Variants in ALK observed in about 807,000 individuals in gnomAD.
The protein encoded by ALK is ALK receptor tyrosine kinase.
Under a neutral mutation model 163.1 loss-of-function variants are expected in ALK, and 74 were observed. The observed-to-expected ratio is 0.45, with a 90% confidence interval of 0.38 to 0.55. The LOEUF (loss-of-function observed/expected upper bound fraction) is 0.55. Among genes scored for constraint, ALK ranks in the 20% least tolerant of loss-of-function variants. The probability of loss-of-function intolerance (pLI) is 0.00; values close to 1 mark genes in which losing one functional copy is unlikely to be tolerated. For synonymous variants in ALK, 960 were observed against 843.2 expected (o/e 1.14, Z -2.40); for missense variants, 2,063 against 2,105.3 (o/e 0.98, Z 0.39).
chr2:29,373,797 G>A (rs1376893278), intron 5 of ALK, among the ~76,000 whole-genome samples: 1 of 152,236 alleles, frequency 6.6e-6, no homozygotes, highest in African/African-American at 2.4e-5. Context: ...AAGGGAGGCA[G>A]TGTGACAGGC....
At chr2:29,289,908 C>T (rs765267092) in intron 9 of ALK, among the ~76,000 whole-genome samples, 3 of 152,170 alleles carry the variant, frequency 2.0e-5, no homozygotes, top group Non-Finnish European at 2.9e-5. Context: ...TACTGGGCTC[C>T]TTCTGCTCCA....
At chr2:29,679,749 C>T (rs764387726) in intron 3 of ALK, among the ~76,000 whole-genome samples, 3 of 151,676 alleles carry the variant, frequency 2.0e-5, no homozygotes, top group Non-Finnish European at 4.4e-5. Context: ...GTTGTTTAAG[C>T]CTTTTATATT....
At chr2:29,420,151 T>G (rs1451761803) in intron 4 of ALK, among the ~76,000 whole-genome samples, 3 of 71,072 alleles carry the variant, frequency 4.2e-5, no homozygotes, top group African/African-American at 1.0e-4. Flanking sequence ...AGTGAGACCC[T>G]GTCTTAAAAA....
intron 3 of ALK, among the ~76,000 whole-genome samples, chr2:29,621,940 A>C (rs1372614184): frequency 6.6e-6 from 1 of 152,080 alleles, no homozygotes; most frequent in Admixed American, 6.6e-5. Context: ...AAGCAGAAAA[A>C]CAAAAAAGGG....
chr2:29,546,781 A>C (rs1301619363), intron 3 of ALK, among the ~76,000 whole-genome samples: 2 of 151,676 alleles, frequency 1.3e-5, no homozygotes, highest in Non-Finnish European at 3.0e-5. Context: ...TGATTTTTTT[A>C]ATTAAATATT....
intron 1 of ALK, among the ~76,000 whole-genome samples, chr2:29,800,066 C>T (rs1224199315): frequency 1.3e-5 from 2 of 152,134 alleles, no homozygotes; most frequent in African/African-American, 2.4e-5. Context: ...TGGTGCGTGC[C>T]GTGCTCTAAG....
chr2:29,894,427 G>A (rs564730974), intron 1 of ALK, among the ~76,000 whole-genome samples: 3 of 152,172 alleles, frequency 2.0e-5, no homozygotes, highest in South Asian at 2.1e-4. Context: ...TATCCCCCAC[G>A]TGGCATTGCT....
At chr2:29,460,190 C>T (rs1671051742) in intron 4 of ALK, among the ~76,000 whole-genome samples, 1 of 152,118 alleles carries the variant, frequency 6.6e-6, no homozygotes, top group African/African-American at 2.4e-5. Context: ...AATATATTTT[C>T]TAAATTGGGC....
intron 1 of ALK, among the ~76,000 whole-genome samples, chr2:29,793,392 T>C (rs1389043931): frequency 6.6e-6 from 1 of 152,152 alleles, no homozygotes; most frequent in Non-Finnish European, 1.5e-5. Context: ...ATCAACTTCT[T>C]CCAAACCCCT....
At chr2:29,704,132 A>C (rs1678828719) in intron 2 of ALK, among the ~76,000 whole-genome samples, 1 of 152,202 alleles carries the variant, frequency 6.6e-6, no homozygotes, top group Admixed American at 6.5e-5. Context: ...CATCATGCAT[A>C]CACGGCAATT....
Position 29,583,047 on chromosome 2 carries a change from T to TTTTTTTG in ALK, c.953-50932_953-50931insCAAAAAA, listed in dbSNP as rs1199229357. 3.0e-4 allele frequency among the ~76,000 whole-genome samples: 45 copies of TTTTTTTG among 149,978 alleles called. 1 individual carries two copies. The highest frequency in any genetic ancestry group is 1.1e-3 in the African/African-American group (44 of 40,418). ...CTGGCTAACTTTTGTTTTTTGTTTT[T>TTTTTTTG]TTGTTTTTTTTAGTAAAGATGGGAT... On this transcript the variant is annotated intron_variant, in intron 3 of 28. Transcript: ENST00000389048.
intron 1 of ALK, among the ~76,000 whole-genome samples, chr2:29,885,312 G>C (rs763717642): frequency 6.6e-6 from 1 of 152,094 alleles, no homozygotes. Context: ...GACCTTTAAG[G>C]CTCATTACAC....
intron 4 of ALK, among the ~76,000 whole-genome samples, chr2:29,480,655 G>A (rs535885028): frequency 6.6e-6 from 1 of 152,190 alleles, no homozygotes; most frequent in South Asian, 2.1e-4. Flanking sequence ...GCAGTCAAGA[G>A]CAGAGGCCAG....
At chr2:29,626,627 G>GATCA in intron 3 of ALK, among the ~76,000 whole-genome samples, 1 of 152,284 alleles carries the variant, frequency 6.6e-6, no homozygotes, top group Non-Finnish European at 1.5e-5. Flanking sequence ...AAGAGGAAGT[G>GATCA]ATCAGAACTG....
At chr2:29,206,417 G>C (rs534258086) in intron 26 of ALK, among the ~76,000 whole-genome samples, 1 of 151,836 alleles carries the variant, frequency 6.6e-6, no homozygotes, top group Non-Finnish European at 1.5e-5. Flanking sequence ...GACCACATGC[G>C]TGCACCACCA....
At chr2:29,204,919 G>C (rs1257357854) in intron 26 of ALK, among the ~76,000 whole-genome samples, 1 of 152,076 alleles carries the variant, frequency 6.6e-6, no homozygotes, top group African/African-American at 2.4e-5. Context: ...GGTTGACCTT[G>C]AGCACCTGGC....
chr2:29,773,654 CATTGA>C (rs1349971042), intron 1 of ALK, among the ~76,000 whole-genome samples: 1 of 152,164 alleles, frequency 6.6e-6, no homozygotes, highest in Non-Finnish European at 1.5e-5. Context: ...AACATCCATC[CATTGA>C]GATGGATGAT....
chr2:29,210,921 G>A (rs999186638), intron 24 of ALK, among the ~76,000 whole-genome samples: 1 of 152,100 alleles, frequency 6.6e-6, no homozygotes, highest in East Asian at 1.9e-4. Flanking sequence ...TACCATTCTG[G>A]TCATGCATGT....
At chr2:29,250,790 T>G (rs892337930) in intron 12 of ALK, among the ~76,000 whole-genome samples, 1 of 152,208 alleles carries the variant, frequency 6.6e-6, no homozygotes, top group Non-Finnish European at 1.5e-5. Flanking sequence ...TTGAAGAGCA[T>G]TAAGCAATAT....
Sources: gnomAD v4.1 joint callset for allele counts (sites outside exome capture counted in the v4.1 genomes callset) on GRCh38, gnomAD v4.1.1 for gene constraint, MANE v1.5 for transcripts, NCBI Gene and HGNC (gene_info 2026-07-23, HGNC 2026-07-21) for gene names.